The following RYR3 variants were observed in gnomAD, a reference collection of about 807,000 sequenced individuals.
RYR3 encodes the protein brain ryanodine receptor-calcium release channel.
Under a neutral mutation model 584.3 loss-of-function variants are expected in RYR3, and 207 were observed. That is an observed-to-expected ratio of 0.35 (90% CI 0.32 to 0.40). The LOEUF is 0.40. Among genes scored for constraint, RYR3 ranks in the 10% least tolerant of loss-of-function variants. The pLI is 1.00. For synonymous variants in RYR3, 2,416 were observed against 2,248.5 expected (o/e 1.07, Z -2.11); for missense variants, 5,616 against 6,089.2 (o/e 0.92, Z 2.59).
chr15:33,495,846 A>G lies in RYR3; in HGVS notation c.172-7785A>G, dbSNP rs575555472. On this transcript the variant is annotated intron_variant, in intron 2 of 103. Coordinates refer to ENST00000634891, the MANE Select transcript of RYR3 (RefSeq NM_001036.6). Reference sequence around the variant, plus strand: ...AATCTGGTTAAGATGAGGTATAGATATTAATGACTGGCTTCACCTTTGAAG... The same window carrying G: ...AATCTGGTTAAGATGAGGTATAGATGTTAATGACTGGCTTCACCTTTGAAG... Among the ~76,000 whole-genome samples, 10 of 152,364 alleles carry G rather than the reference A, an allele frequency of 6.6e-5. No individual in the cohort carries two copies. In the South Asian group the frequency reaches 1.4e-3, roughly 22 times the overall value.
chr15:33,637,802 C>CT (rs879423671), intron 27 of RYR3, among the ~76,000 whole-genome samples: 35 of 151,482 alleles, frequency 2.3e-4, no homozygotes, highest in South Asian at 8.4e-4. Flanking sequence ...CAAGGTGTTT[C>CT]TTTTTTTTTA....
At chr15:33,697,025 G>A (rs554643205) in intron 39 of RYR3, among the ~76,000 whole-genome samples, 26 of 152,196 alleles carry the variant, frequency 1.7e-4, no homozygotes, top group South Asian at 4.1e-4. Flanking sequence ...CTATAATCAC[G>A]TAGGGTAGCA....
chr15:33,456,104 G>T (rs1457262110), intron 1 of RYR3, among the ~76,000 whole-genome samples: 1 of 152,114 alleles, frequency 6.6e-6, no homozygotes, highest in Non-Finnish European at 1.5e-5. Flanking sequence ...CTTTCAGTAA[G>T]TTCTTTCTCA....
chr15:33,522,262 CA>C (rs112780185), intron 3 of RYR3, among the ~76,000 whole-genome samples: 366 of 140,906 alleles, frequency 2.6e-3, no homozygotes, highest in African/African-American at 3.7e-3. Context: ...GACTCCATCT[CA>C]AAAAAAAAAA....
chr15:33,387,150 C>T (rs1221585385), intron 1 of RYR3, among the ~76,000 whole-genome samples: 3 of 152,188 alleles, frequency 2.0e-5, no homozygotes, highest in Middle Eastern at 3.2e-3. Context: ...AGACACCACG[C>T]CCAGCAATAT....
At chr15:33,594,418 G>A (rs536794944) in intron 16 of RYR3, among the ~76,000 whole-genome samples, 2 of 152,304 alleles carry the variant, frequency 1.3e-5, no homozygotes, top group East Asian at 1.9e-4. Context: ...GTTCACAGGA[G>A]TGTTCTTTAC....
In RYR3 at chr15:33,580,211, A is replaced by T. The variant is rs560356578; in HGVS notation, c.1437+67A>T. The T allele has an allele frequency of 3.1e-6, 4 of 1,273,804 alleles. No individual in the cohort carries two copies. In the South Asian group the frequency reaches 5.8e-5, roughly 19 times the overall value. The allele number at this position is 1,273,804 out of a possible 1,614,324, so 78.9% of individuals were successfully genotyped here. ...GAGCTAGAATATCCCTGTGACTACA[A>T]CTTAGCTTTGTCTTTCTGCATGCAC... On this transcript the variant is annotated intron_variant, in intron 13 of 103. Transcript: ENST00000634891.
At chr15:33,776,672 A>G (rs1242829144) in intron 64 of RYR3, among the ~76,000 whole-genome samples, 2 of 152,158 alleles carry the variant, frequency 1.3e-5, no homozygotes, top group Non-Finnish European at 2.9e-5. Context: ...TCTCTGTTAC[A>G]TGTTATTTCC....
chr15:33,507,173 T>A, intron 3 of RYR3, among the ~76,000 whole-genome samples: 1 of 152,264 alleles, frequency 6.6e-6, no homozygotes, highest in East Asian at 1.9e-4. Flanking sequence ...TTCAGCTGTT[T>A]ACTCACGTGT....
intron 1 of RYR3, among the ~76,000 whole-genome samples, chr15:33,395,547 T>C (rs2042246565): frequency 6.6e-6 from 1 of 152,134 alleles, no homozygotes; most frequent in Non-Finnish European, 1.5e-5. Flanking sequence ...AGCCTAAAAT[T>C]TGAGCTGGTA....
chr15:33,493,221 C>T (rs1325904088), intron 2 of RYR3, among the ~76,000 whole-genome samples: 1 of 152,150 alleles, frequency 6.6e-6, no homozygotes, highest in East Asian at 1.9e-4. Flanking sequence ...TGCCTTCCTC[C>T]CCCTGCCGAT....
intron 103 of RYR3, among the ~76,000 whole-genome samples, chr15:33,864,419 C>G (rs1440317578): frequency 6.6e-6 from 1 of 151,112 alleles, no homozygotes; most frequent in Non-Finnish European, 1.5e-5. Context: ...ACTAGAAGAG[C>G]TGGAGGTGGG....
intron 1 of RYR3, among the ~76,000 whole-genome samples, chr15:33,414,699 G>C (rs959455839): frequency 1.2e-4 from 18 of 152,122 alleles, no homozygotes; most frequent in African/African-American, 4.3e-4. Flanking sequence ...CCGCCTCCTG[G>C]GTTCACGCCA....
chr15:33,634,137 C>T (rs2061394406), intron 24 of RYR3, among the ~76,000 whole-genome samples: 1 of 152,148 alleles, frequency 6.6e-6, no homozygotes, highest in African/African-American at 2.4e-5. Flanking sequence ...CTGCAACCTT[C>T]ATCTCCCGGG....
At chr15:33,470,132 T>G (rs1863678736) in intron 1 of RYR3, among the ~76,000 whole-genome samples, 1 of 152,146 alleles carries the variant, frequency 6.6e-6, no homozygotes. Context: ...TGATAGTATT[T>G]CCCGATGACT....
intron 16 of RYR3, among the ~76,000 whole-genome samples, chr15:33,600,745 G>A (rs1345227411): frequency 1.3e-5 from 2 of 152,102 alleles, no homozygotes; most frequent in South Asian, 2.1e-4. Flanking sequence ...TGATACCACA[G>A]CAAAAGACCG....
chr15:33,641,930 G>C (rs538354898), intron 27 of RYR3, among the ~76,000 whole-genome samples: 4 of 152,296 alleles, frequency 2.6e-5, no homozygotes, highest in Admixed American at 1.3e-4. Flanking sequence ...ATCCCCTGAA[G>C]ACTCACTCCC....
chr15:33,714,771 A>C (rs1168941844), intron 43 of RYR3, among the ~76,000 whole-genome samples: 1 of 152,200 alleles, frequency 6.6e-6, no homozygotes, highest in African/African-American at 2.4e-5. Flanking sequence ...TTGGACATCC[A>C]TCATGTGACA....
intron 85 of RYR3, among the ~76,000 whole-genome samples, chr15:33,830,635 C>G (rs748414141): frequency 2.0e-5 from 3 of 152,156 alleles, no homozygotes; most frequent in African/African-American, 7.2e-5. Context: ...ACAATATTAG[C>G]TATTATGTTG....
Sources: allele counts gnomAD v4.1 joint callset (sites outside exome capture counted in the v4.1 genomes callset), GRCh38; gene constraint gnomAD v4.1.1; transcripts MANE v1.5; gene names NCBI Gene and HGNC (gene_info 2026-07-23, HGNC 2026-07-21).